Variants in SULT1C4 observed in about 807,000 individuals in gnomAD.
The protein encoded by SULT1C4 is sulfotransferase 1C4.
SULT1C4 carries 32 observed loss-of-function variants against 34.8 expected under a neutral mutation model. That is an observed-to-expected ratio of 0.92 (90% CI 0.69 to 1.23). The LOEUF (loss-of-function observed/expected upper bound fraction) is 1.23. Among genes scored for constraint, SULT1C4 ranks in the 50% most tolerant of loss-of-function variants. The pLI, the probability that SULT1C4 is intolerant of heterozygous loss-of-function variation, is 0.00. For missense variants in SULT1C4, 375 were observed against 365.9 expected (o/e 1.02, Z -0.20); for synonymous variants, 111 against 120.5 (o/e 0.92, Z 0.51).
At position 108,379,831 on chromosome 2, in the gene SULT1C4, A is replaced by T. The variant is rs535106193; in HGVS notation, c.169+1325A>T. ...ATCATAGAATCACTGGCCTCTAGAG[A>T]ATAAATTGAGAAGTCATTCCACTCA... On this transcript the variant is annotated intron_variant, in intron 1 of 6. Transcript: ENST00000272452. Among the ~76,000 whole-genome samples, 3 of 152,320 alleles carry T rather than the reference A, an allele frequency of 2.0e-5. No individual in the cohort carries two copies. The South Asian group carries it at 6.2e-4, about 32-fold the overall frequency.
chr2:108,382,353 T>A (rs1489498570), intron 2 of SULT1C4, 32 bp from the exon 3 acceptor site: 4 of 1,521,688 alleles, frequency 2.6e-6, no homozygotes, highest in Admixed American at 1.7e-5. Context: ...AAAAAAAAAA[T>A]CGTAGAAATT....
rs745330772 is a variant in SULT1C4 at position 108,382,480 on chromosome 2, A to T, written c.391A>T (p.Lys131Ter). 1.2e-6 allele frequency: 2 copies of T among 1,613,808 alleles called. No homozygotes were observed. Among genetic ancestry groups the T allele is most frequent in the Middle Eastern group, 1.6e-4 (1 of 6,062 alleles). Residue 131 changes from lysine to a stop codon, truncating the protein, a stop_gained and splice_region_variant, in exon 3 of 7, where the codon AAG becomes TAG. Coordinates refer to ENST00000272452, the MANE Select transcript of SULT1C4 (RefSeq NM_006588.4). LOFTEE classifies it high-confidence loss of function. The part of the protein sequence containing the change: ...LPPSLLEKNC[K>*]IIYVARNPKD... ...ACCATCCTTGCTAGAGAAAAACTGT[A>T]AGGTAAAAAAGCAAAAGGAATTCAG...
intron 2 of SULT1C4, 22 bp from the exon 3 acceptor site, chr2:108,382,363 T>G (rs1449623389): frequency 6.3e-7 from 1 of 1,598,784 alleles, no homozygotes; most frequent in South Asian, 1.1e-5. Context: ...TCGTAGAAAT[T>G]GATCGAAAAC....
At chr2:108,387,226 C>A in intron 6 of SULT1C4, 94 bp from the exon 7 acceptor site, 1 of 944,606 alleles carries the variant, frequency 1.1e-6, no homozygotes, top group Non-Finnish European at 1.6e-6. Flanking sequence ...CTTCCTAGAA[C>A]ATGGCATAGA....
chr2:108,382,999 C>G (rs1487972050), intron 3 of SULT1C4, 94 bp from the exon 4 acceptor site: 1 of 1,377,516 alleles, frequency 7.3e-7, no homozygotes, highest in East Asian at 2.5e-5. Context: ...TGTATCTACC[C>G]TAACATGACT....
In SULT1C4 at chr2:108,383,186, G is replaced by C. The variant is rs1389693027; in HGVS notation, c.487G>C (p.Glu163Gln). The part of the protein sequence containing the change: ...NKALPAPGTW[E>Q]EYFETFLAGK... ...AGCTCTTCCTGCTCCAGGAACATGG[G>C]AAGAGTATTTTGAGACTTTTCTGGC... Residue 163 changes from glutamate (E) to glutamine (Q), a missense_variant, in exon 4 of 7, where the codon GAA becomes CAA. Physicochemically the swap from Glu to Gln is conservative, Grantham distance 29. Transcript: ENST00000272452. 1.2e-6 allele frequency: 2 copies of C among 1,612,452 alleles called. No individual in the cohort carries two copies. Among genetic ancestry groups the C allele is most frequent in the South Asian group, 1.1e-5 (1 of 90,376 alleles).
rs111292394 is a variant in SULT1C4 at position 108,384,293 on chromosome 2, G to A, written c.615+783G>A. 7.5e-3 allele frequency among the ~76,000 whole-genome samples: 1,122 copies of A among 150,052 alleles called. 22 individuals carry two copies. The highest frequency in any genetic ancestry group is 0.026 in the African/African-American group (1,078 of 40,798). ...CACCCAGGCTGGAGTGCAGTGGCGC[G>A]ATCTCTGGCTCACTGCAAGCTCCGC... On this transcript the variant is annotated intron_variant, in intron 5 of 6. Transcript: ENST00000272452.
intron 6 of SULT1C4, 140 bp downstream of exon 6, chr2:108,386,512 C>A: frequency 1.5e-6 from 1 of 669,858 alleles, no homozygotes; most frequent in East Asian, 3.4e-5. Context: ...TAAGAAGCCA[C>A]TGATAAAATG....
At position 108,381,845 on chromosome 2, in the gene SULT1C4, C is replaced by T. The variant is rs77662685; in HGVS notation, c.253C>T (p.Arg85Ter). 11,087 of 1,506,766 alleles carry T rather than the reference C, an allele frequency of 7.4e-3. 65 individuals are homozygous for T. The highest frequency in any genetic ancestry group is 8.0e-3 in the Non-Finnish European group (9,092 of 1,133,544). 93.3% of individuals were successfully genotyped at this position (1,506,766 alleles called of 1,614,324 possible). Residue 85 changes from arginine to a stop codon, truncating the protein, a stop_gained, in exon 2 of 7, where the codon CGA (arginine) becomes TGA (stop). Transcript: ENST00000272452. LOFTEE classifies it high-confidence loss of function. Reference protein sequence around the residue: ...EKSKRAPTHQRFPFLEMKIPS... With the variant: ...EKSKRAPTHQ ...AAGTAAACGGGCACCGACTCATCAACGATTTCCTTTCCTCGAAATGAAAAT... is the reference window on the plus strand; with the variant it reads ...AAGTAAACGGGCACCGACTCATCAATGATTTCCTTTCCTCGAAATGAAAAT...
rs1573301259 is a variant in SULT1C4 at position 108,388,243 on chromosome 2, T to C, written c.*811T>C. Among the ~76,000 whole-genome samples, 1 of 152,196 alleles carries C rather than the reference T, an allele frequency of 6.6e-6. No homozygotes were observed. Among genetic ancestry groups the C allele is most frequent in the East Asian group, 1.9e-4 (1 of 5,196 alleles). Reference sequence around the variant, plus strand: ...GAAAAACTTCAGGGTCCTAGTGTAATACATCTGTCCCCATCTCTCACTGGC... The same window carrying C: ...GAAAAACTTCAGGGTCCTAGTGTAACACATCTGTCCCCATCTCTCACTGGC... On this transcript the variant is annotated 3_prime_UTR_variant, in exon 7 of 7. Coordinates refer to ENST00000272452, the MANE Select transcript of SULT1C4 (RefSeq NM_006588.4).
intron 5 of SULT1C4, 95 bp from the exon 6 acceptor site, chr2:108,386,097 G>A (rs568201609): frequency 4.8e-5 from 48 of 997,962 alleles, no homozygotes; most frequent in Admixed American, 1.8e-4. Context: ...ATTTTAGCTC[G>A]TAATATGTTA....
chr2:108,378,312 G>A lies in SULT1C4; in HGVS notation c.-26G>A. 1 of 1,605,586 alleles carries A rather than the reference G, an allele frequency of 6.2e-7. No individual in the cohort carries two copies. The highest frequency in any genetic ancestry group is 1.1e-5 in the South Asian group (1 of 89,582). The stretch of plus-strand genomic sequence containing the variant: ...CTGACTGAAGATAACTTTGTGTCTG[G>A]AAGAGCCCTCTGATTTCTTACACTA... On this transcript the variant is annotated 5_prime_UTR_variant, in exon 1 of 7. Coordinates refer to ENST00000272452, the MANE Select transcript of SULT1C4 (RefSeq NM_006588.4).
Position 108,387,518 on chromosome 2 carries a change from T to C in SULT1C4, c.*86T>C, listed in dbSNP as rs1678599533. 2.4e-6 allele frequency: 2 copies of C among 837,264 alleles called. No individual in the cohort carries two copies. The highest frequency in any genetic ancestry group is 1.7e-5 in the African/African-American group (1 of 57,764). The allele number at this position is 837,264 out of a possible 1,614,324, so 51.9% of individuals were successfully genotyped here. On this transcript the variant is annotated 3_prime_UTR_variant, in exon 7 of 7. Transcript: ENST00000272452. ...AGTTTAATTCTCATAACAAATGATA[T>C]CAGATTCCAGTTATCAGAATAGTTT...
Position 108,382,966 on chromosome 2 carries a change from C to T in SULT1C4, c.394-127C>T, listed in dbSNP as rs187653269. Reference sequence around the variant, plus strand: ...AACCAGGATGACAAGAATGCAGCCTCAGAAAAAATGAACTGTATGAAATGT... The same window carrying T: ...AACCAGGATGACAAGAATGCAGCCTTAGAAAAAATGAACTGTATGAAATGT... On this transcript the variant is annotated intron_variant, in intron 3 of 6. Transcript: ENST00000272452. 84 of 697,640 alleles carry T rather than the reference C, an allele frequency of 1.2e-4. No individual in the cohort carries two copies. The African/African-American group carries it at 1.5e-3, about 13-fold the overall frequency. The allele number at this position is 697,640 out of a possible 1,614,324, so 43.2% of individuals were successfully genotyped here. A position where few individuals can be genotyped will look rare whatever the true frequency, so the allele number is the denominator to read the frequency against.
chr2:108,383,561 G>C, intron 5 of SULT1C4, 51 bp downstream of exon 5: 1 of 1,536,026 alleles, frequency 6.5e-7, no homozygotes, highest in Non-Finnish European at 8.9e-7. Context: ...AAACATTTAA[G>C]TCATAATGCA....
intron 1 of SULT1C4, among the ~76,000 whole-genome samples, chr2:108,380,492 C>A (rs939289024): frequency 6.6e-6 from 1 of 152,060 alleles, no homozygotes; most frequent in African/African-American, 2.4e-5. Context: ...CCAGCCTGGG[C>A]AACAGAGCAA....
At chr2:108,385,923 C>G (rs899242806) in intron 5 of SULT1C4, among the ~76,000 whole-genome samples, 1 of 152,172 alleles carries the variant, frequency 6.6e-6, no homozygotes, top group African/African-American at 2.4e-5. Flanking sequence ...GAACCATTCA[C>G]TAGGCACTGT....
At chr2:108,380,396 T>A (rs1440725837) in intron 1 of SULT1C4, among the ~76,000 whole-genome samples, 4 of 152,082 alleles carry the variant, frequency 2.6e-5, no homozygotes, top group African/African-American at 9.7e-5. Context: ...GCACTCACAG[T>A]CCTAGCTATT....
At chr2:108,384,204 C>G (rs911422552) in intron 5 of SULT1C4, among the ~76,000 whole-genome samples, 9 of 150,414 alleles carry the variant, frequency 6.0e-5, no homozygotes, top group African/African-American at 2.0e-4. Flanking sequence ...GAACATAATA[C>G]TTTATTTATT....
Sources: allele counts gnomAD v4.1 joint callset (sites outside exome capture counted in the v4.1 genomes callset), GRCh38; gene constraint gnomAD v4.1.1; transcripts MANE v1.5; gene names NCBI Gene and HGNC (gene_info 2026-07-23, HGNC 2026-07-21).